The following TRIM44 variants were observed in gnomAD, a reference collection of about 807,000 sequenced individuals.
The protein encoded by TRIM44 is tripartite motif-containing protein 44.
TRIM44 carries 13 observed loss-of-function variants against 37.4 expected under a neutral mutation model. The observed-to-expected ratio is 0.35, with a 90% CI of 0.23 to 0.55. The LOEUF is 0.55. TRIM44 is among the 20% of genes least tolerant of loss of function. TRIM44 has a pLI of 0.89. For synonymous variants in TRIM44, 175 were observed against 157.2 expected (o/e 1.11, Z -0.85); for missense variants, 426 against 437.2 (o/e 0.97, Z 0.23).
intron 1 of TRIM44, 31 bp from the exon 2 acceptor site, chr11:35,685,228 T>C (rs753077625): frequency 6.3e-7 from 1 of 1,586,440 alleles, no homozygotes; most frequent in South Asian, 1.1e-5. Context: ...CAAAATGCTG[T>C]CTAGTGACCC....
In TRIM44 at chr11:35,663,691, A is replaced by G. The variant is rs773252011; in HGVS notation, c.580A>G (p.Arg194Gly). Residue 194 changes from arginine to glycine, a missense_variant, in exon 1 of 5, where the codon AGG becomes GGG. This residue lies in a region of TRIM44 where 331 missense variants were observed against 303.0 expected (regional missense o/e 1.09). Coordinates refer to ENST00000299413, the MANE Select transcript of TRIM44 (RefSeq NM_017583.6). Reference sequence around the variant, plus strand: ...TTTGAGTACCTATTGCCAGGAAGATAGGCAGCTCATCTGTGTCCTGTGTCC... The same window carrying G: ...TTTGAGTACCTATTGCCAGGAAGATGGGCAGCTCATCTGTGTCCTGTGTCC... ...LDLSTYCQED[R>G]QLICVLCPVI... 1 of 1,614,168 alleles carries G rather than the reference A, an allele frequency of 6.2e-7. No homozygotes were observed. The highest frequency in any genetic ancestry group is 1.1e-5 in the South Asian group (1 of 91,078).
chr11:35,717,354 G>T (rs937221590), intron 2 of TRIM44, among the ~76,000 whole-genome samples: 2 of 151,942 alleles, frequency 1.3e-5, no homozygotes, highest in African/African-American at 4.8e-5. Flanking sequence ...TGCCTTTGTG[G>T]TGGGGGAAAA....
At chr11:35,804,684 G>A (rs1853425128) in intron 4 of TRIM44, among the ~76,000 whole-genome samples, 1 of 152,150 alleles carries the variant, frequency 6.6e-6, no homozygotes, top group Admixed American at 6.5e-5. Flanking sequence ...TTCCCTTTGG[G>A]ACAGATGCCA....
intron 4 of TRIM44, among the ~76,000 whole-genome samples, chr11:35,781,337 G>A (rs1319769566): frequency 6.6e-6 from 1 of 152,122 alleles, no homozygotes; most frequent in East Asian, 1.9e-4. Context: ...TATTTTTCTA[G>A]GTATTTTGGC....
At chr11:35,782,611 C>A (rs1386834662) in intron 4 of TRIM44, among the ~76,000 whole-genome samples, 2 of 152,080 alleles carry the variant, frequency 1.3e-5, no homozygotes, top group African/African-American at 2.4e-5. Context: ...GTATTATACC[C>A]ATGTTCAATC....
At chr11:35,740,483 A>G (rs769340547) in intron 4 of TRIM44, among the ~76,000 whole-genome samples, 7 of 152,120 alleles carry the variant, frequency 4.6e-5, no homozygotes, top group Non-Finnish European at 7.3e-5. Context: ...ATGGCTTTTT[A>G]ATAGTAACAC....
At chr11:35,770,930 TG>T (rs1852860956) in intron 4 of TRIM44, among the ~76,000 whole-genome samples, 1 of 152,188 alleles carries the variant, frequency 6.6e-6, no homozygotes, top group Non-Finnish European at 1.5e-5. Context: ...CCCAGCCATG[TG>T]GAACGCTAAG....
intron 4 of TRIM44, among the ~76,000 whole-genome samples, chr11:35,790,168 A>AGCT (rs765922123): frequency 1.3e-5 from 2 of 152,194 alleles, no homozygotes; most frequent in Non-Finnish European, 2.9e-5. Flanking sequence ...GTAAGATGAC[A>AGCT]GCTGGCTCAT....
At chr11:35,774,516 T>C (rs1182665720) in intron 4 of TRIM44, among the ~76,000 whole-genome samples, 2 of 152,232 alleles carry the variant, frequency 1.3e-5, no homozygotes, top group Non-Finnish European at 2.9e-5. Flanking sequence ...CCATTGCTTT[T>C]GGTGTTTTAA....
intron 4 of TRIM44, among the ~76,000 whole-genome samples, chr11:35,760,314 C>T (rs532263951): frequency 1.3e-5 from 2 of 152,346 alleles, no homozygotes; most frequent in African/African-American, 4.8e-5. Context: ...ATAAAATCTC[C>T]TGTTGTGCCA....
At chr11:35,680,898 A>G (rs1389032402) in intron 1 of TRIM44, among the ~76,000 whole-genome samples, 1 of 150,650 alleles carries the variant, frequency 6.6e-6, no homozygotes, top group African/African-American at 2.5e-5. Flanking sequence ...TCACATTTCT[A>G]TTTTTTTTAA....
chr11:35,762,897 G>T (rs1340775918), intron 4 of TRIM44, among the ~76,000 whole-genome samples: 1 of 152,054 alleles, frequency 6.6e-6, no homozygotes, highest in African/African-American at 2.4e-5. Flanking sequence ...GATGATAATA[G>T]TATCTAAAGT....
chr11:35,733,361 T>C (rs1250959071), intron 3 of TRIM44, among the ~76,000 whole-genome samples: 1 of 152,216 alleles, frequency 6.6e-6, no homozygotes, highest in African/African-American at 2.4e-5. Flanking sequence ...TAAAGTTATC[T>C]TAGACAATTA....
intron 3 of TRIM44, among the ~76,000 whole-genome samples, chr11:35,728,745 AT>A (rs1474486726): frequency 6.6e-6 from 1 of 152,156 alleles, no homozygotes; most frequent in African/African-American, 2.4e-5. Context: ...TTATTATAAA[AT>A]TTTTTAAACA....
intron 1 of TRIM44, among the ~76,000 whole-genome samples, chr11:35,675,929 C>T (rs1851455004): frequency 6.6e-6 from 1 of 152,048 alleles, no homozygotes; most frequent in Admixed American, 6.6e-5. Flanking sequence ...GCAAGGGAGA[C>T]TGGGAAACAG....
Position 35,751,108 on chromosome 11 carries a change from A to C in TRIM44, c.1007+15663A>C, listed in dbSNP as rs142843218. Among the ~76,000 whole-genome samples, 118 of 152,326 alleles carry C rather than the reference A, an allele frequency of 7.7e-4. 1 individual carries two copies. In the East Asian group the frequency reaches 0.017, roughly 21 times the overall value. On this transcript the variant is annotated intron_variant, in intron 4 of 4. Transcript: ENST00000299413. Reference sequence around the variant, plus strand: ...GCACATTGCCTAGCACAGAGTAGACACTCAAATCTTGGTTAAATGAATGAA... The same window carrying C: ...GCACATTGCCTAGCACAGAGTAGACCCTCAAATCTTGGTTAAATGAATGAA...
At chr11:35,741,260 C>T (rs1240196527) in intron 4 of TRIM44, among the ~76,000 whole-genome samples, 2 of 152,072 alleles carry the variant, frequency 1.3e-5, no homozygotes, top group South Asian at 4.1e-4. Context: ...CCTGAGTTGA[C>T]CTTATTTTTC....
chr11:35,803,004 T>C (rs1853390028), intron 4 of TRIM44, among the ~76,000 whole-genome samples: 1 of 151,938 alleles, frequency 6.6e-6, no homozygotes, highest in Non-Finnish European at 1.5e-5. Context: ...GGAAGGTGGG[T>C]TGAGGAAGAA....
chr11:35,719,162 T>C (rs1852072082), intron 2 of TRIM44, among the ~76,000 whole-genome samples: 1 of 152,194 alleles, frequency 6.6e-6, no homozygotes, highest in Non-Finnish European at 1.5e-5. Context: ...ACTGCCAAAC[T>C]GTCTTCCAAG....
Sources: gnomAD v4.1 joint callset for allele counts (sites outside exome capture counted in the v4.1 genomes callset) on GRCh38, gnomAD v4.1.1 for gene constraint, gnomAD v4.1.1 regional missense constraint, MANE v1.5 for transcripts, NCBI Gene and HGNC (gene_info 2026-07-23, HGNC 2026-07-21) for gene names.